MACF1: variants seen among roughly 807,000 people sequenced by gnomAD.
The protein encoded by MACF1 is microtubule actin crosslinking factor 1.
MACF1 carries 193 observed loss-of-function variants against 854.8 expected under a neutral mutation model. The observed-to-expected ratio is 0.23, with a 90% CI of 0.20 to 0.25. MACF1 has a LOEUF of 0.25. Among genes scored for constraint, MACF1 ranks in the 10% least tolerant of loss-of-function variants. MACF1 has a pLI of 1.00. For missense variants in MACF1, 7,722 were observed against 8,929.1 expected (o/e 0.86, Z 5.45); for synonymous variants, 3,185 against 3,226.7 (o/e 0.99, Z 0.44).
intron 49 of MACF1, among the ~76,000 whole-genome samples, chr1:39,366,235 A>G (rs540492654): frequency 2.0e-5 from 3 of 152,358 alleles, no homozygotes; most frequent in Non-Finnish European, 2.9e-5. Flanking sequence ...ACGCAAACAC[A>G]TATACATACA....
intron 58 of MACF1, among the ~76,000 whole-genome samples, chr1:39,417,641 G>A (rs61450123): frequency 0.02 from 3,005 of 150,640 alleles, 113 homozygotes; most frequent in African/African-American, 0.07. Context: ...CTACCTCCCG[G>A]GTTCAAGCAA....
chr1:39,235,069 C>T (rs1644843473), intron 2 of MACF1, among the ~76,000 whole-genome samples: 1 of 151,812 alleles, frequency 6.6e-6, no homozygotes. Flanking sequence ...TGATGGGCGG[C>T]CAGGCAGAGA....
At chr1:39,405,088 T>G (rs1173195244) in intron 58 of MACF1, among the ~76,000 whole-genome samples, 1 of 151,968 alleles carries the variant, frequency 6.6e-6, no homozygotes, top group Non-Finnish European at 1.5e-5. Context: ...TCCTGCAGAG[T>G]GTGTGGAAAG....
At chr1:39,101,748 C>CCGT in intron 2 of MACF1, among the ~76,000 whole-genome samples, 1 of 147,246 alleles carries the variant, frequency 6.8e-6, no homozygotes, top group African/African-American at 2.5e-5. Context: ...GGCGTGAACC[C>CCGT]GGGAGGTGGA....
intron 6 of MACF1, chr1:39,268,949 C>G (rs961645456): frequency 1.6e-6 from 2 of 1,286,690 alleles, no homozygotes; most frequent in African/African-American, 1.5e-5. Flanking sequence ...AGCATACCCC[C>G]CCAGATATTT....
At chr1:39,412,500 G>A (rs12141765) in intron 58 of MACF1, 11 of 1,614,040 alleles carry the variant, frequency 6.8e-6, no homozygotes, top group Non-Finnish European at 9.3e-6. Flanking sequence ...ACTTCCCAGA[G>A]CAGGTCTTCC....
At chr1:39,376,689 T>C (rs538690389) in intron 52 of MACF1, among the ~76,000 whole-genome samples, 1 of 152,260 alleles carries the variant, frequency 6.6e-6, no homozygotes, top group East Asian at 1.9e-4. Flanking sequence ...TTTAAAAGTT[T>C]TATAATCACC....
chr1:39,340,524 A>G lies in MACF1; in HGVS notation c.10238A>G (p.Asp3413Gly). ...CAGGTATTAGAAAGGGAGTTAAAGG[A>G]TCTGACCACCTTGGTCAGTCAGGAG... Reference protein sequence around the residue: ...QAKVLERELKDLTTLVSQELE... With the variant: ...QAKVLERELKGLTTLVSQELE... Residue 3413 changes from aspartate to glycine, a missense_variant, in exon 39 of 101, where the codon GAT (aspartate) becomes GGT (glycine). By Grantham distance (94) the Asp-to-Gly change is moderately conservative (BLOSUM62 -1). Around this residue, in one of 15 missense-constraint regions of MACF1, gnomAD observed 854 missense variants for 852.6 expected, o/e 1.00. Transcript: ENST00000564288. The G allele has an allele frequency of 2.5e-6, 4 of 1,613,568 alleles. No individual in the cohort carries two copies. Among genetic ancestry groups the G allele is most frequent in the Non-Finnish European group, 3.4e-6 (4 of 1,179,820 alleles).
intron 4 of MACF1, 146 bp from the exon 5 acceptor site, chr1:39,254,152 G>C (rs567406000): frequency 7.7e-5 from 51 of 661,296 alleles, no homozygotes; most frequent in Non-Finnish European, 1.1e-4. Flanking sequence ...CTGGTCTTAG[G>C]GGGTGCTTTG....
intron 47 of MACF1, among the ~76,000 whole-genome samples, chr1:39,360,013 ATATATATAT>A (rs1338561984): frequency 7.6e-4 from 16 of 20,952 alleles, no homozygotes; most frequent in East Asian, 1.8e-3. Flanking sequence ...AAAAAAAAAA[ATATATATAT>A]ATATATATAT....
chr1:39,326,887 TATAATC>T (rs1646625298), intron 35 of MACF1, among the ~76,000 whole-genome samples: 1 of 152,096 alleles, frequency 6.6e-6, no homozygotes, highest in Non-Finnish European at 1.5e-5. Context: ...AAGGTAGAGT[TATAATC>T]ATATAGTGGA....
chr1:39,157,337 TTC>T (rs1457080810), intron 2 of MACF1, among the ~76,000 whole-genome samples: 5 of 152,178 alleles, frequency 3.3e-5, no homozygotes, highest in African/African-American at 9.7e-5. Context: ...ATACTCCCTT[TTC>T]TCTCTGTTTT....
chr1:39,477,045 GTA>G (rs745911075), intron 97 of MACF1, among the ~76,000 whole-genome samples: 1,572 of 63,462 alleles, frequency 0.025, 11 homozygotes, highest in Middle Eastern at 0.038. Flanking sequence ...TACACTTAGT[GTA>G]TATATATATA....
At chr1:39,324,035 T>TGTA (rs955024863) in intron 33 of MACF1, among the ~76,000 whole-genome samples, 158 bp from the exon 34 acceptor site, 1 of 152,248 alleles carries the variant, frequency 6.6e-6, no homozygotes, top group Admixed American at 6.5e-5. Flanking sequence ...TGAGCAATAC[T>TGTA]GTAGGCTGGG....
At chr1:39,131,031 C>T (rs1642987720) in intron 2 of MACF1, among the ~76,000 whole-genome samples, 1 of 151,478 alleles carries the variant, frequency 6.6e-6, no homozygotes, top group South Asian at 2.1e-4. Flanking sequence ...TTTGCATTTC[C>T]AGTAGAAACG....
At chr1:39,154,721 A>AT (rs113114354) in intron 2 of MACF1, among the ~76,000 whole-genome samples, 25,045 of 146,918 alleles carry the variant, frequency 0.17, 2,426 homozygotes, top group Middle Eastern at 0.23. Flanking sequence ...AGGGTAAGGG[A>AT]TTTTTTTTTT....
At chr1:39,231,942 G>T (rs534095901) in intron 2 of MACF1, among the ~76,000 whole-genome samples, 15 of 151,548 alleles carry the variant, frequency 9.9e-5, no homozygotes, top group African/African-American at 3.6e-4. Flanking sequence ...TTAACTTGAT[G>T]AATTTTTACA....
Position 39,341,052 on chromosome 1 carries a change from G to C in MACF1, c.10581+99G>C, listed in dbSNP as rs1206076400. On this transcript the variant is annotated intron_variant, in intron 40 of 100. Coordinates refer to ENST00000564288, the MANE Select transcript of MACF1 (RefSeq NM_001394062.1). ...ATATTTATCTTTTTTTTTTTTTTTT[G>C]AGACGGAGTCTTGCTCTGTCACCCA... is the stretch of plus-strand genomic sequence containing the variant. 3.8e-5 allele frequency: 30 copies of C among 797,514 alleles called. No individual in the cohort carries two copies. In the South Asian group the frequency reaches 5.5e-4, roughly 15 times the overall value. The allele number at this position is 797,514 out of a possible 1,614,324, so 49.4% of individuals were successfully genotyped here. A position where few individuals can be genotyped will look rare whatever the true frequency, so the allele number is the denominator to read the frequency against.
intron 58 of MACF1, among the ~76,000 whole-genome samples, chr1:39,418,051 C>A (rs1055707402): frequency 6.6e-6 from 1 of 152,048 alleles, no homozygotes; most frequent in African/African-American, 2.4e-5. Context: ...TTGGCAAATT[C>A]TTTGAATAAA....
Sources: gnomAD v4.1 joint callset for allele counts (sites outside exome capture counted in the v4.1 genomes callset) on GRCh38, gnomAD v4.1.1 for gene constraint, gnomAD v4.1.1 regional missense constraint, MANE v1.5 for transcripts, NCBI Gene and HGNC (gene_info 2026-07-23, HGNC 2026-07-21) for gene names.